FAM168B: variants seen among roughly 807,000 people sequenced by gnomAD.
FAM168B encodes family with sequence similarity 168 member B.
In FAM168B, 19 loss-of-function variants were observed where a neutral mutation model predicts 21.8. The observed-to-expected ratio is 0.87, with a 90% CI of 0.61 to 1.28. The LOEUF (loss-of-function observed/expected upper bound fraction) is 1.28, where lower values mean the gene tolerates loss of function less well. FAM168B is among the 50% of genes most tolerant of loss of function. The probability of loss-of-function intolerance (pLI) is 0.00; values close to 1 mark genes in which losing one functional copy is unlikely to be tolerated. For missense variants in FAM168B, 233 were observed against 263.1 expected, an observed-to-expected ratio of 0.89 and a Z score of 0.79; for synonymous variants, 126 against 104.8, an observed-to-expected ratio of 1.20 and a Z score of -1.24.
At chr2:131,056,008 T>G (rs2105464632) in intron 3 of FAM168B, among the ~76,000 whole-genome samples, 1 of 152,296 alleles carries the variant, frequency 6.6e-6, no homozygotes, top group South Asian at 2.1e-4. Flanking sequence ...TTTAAATTGG[T>G]ATGGCATTCC....
intron 1 of FAM168B, among the ~76,000 whole-genome samples, chr2:131,092,143 CAAAA>C (rs992051589): frequency 1.3e-5 from 1 of 79,034 alleles, no homozygotes; most frequent in African/African-American, 4.8e-5. Context: ...GACTCCGTCT[CAAAA>C]AAAAAAAAAA....
intron 3 of FAM168B, among the ~76,000 whole-genome samples, chr2:131,068,971 G>A (rs1386344649): frequency 1.3e-5 from 2 of 152,330 alleles, no homozygotes; most frequent in Admixed American, 6.5e-5. Context: ...AGGCGTGATT[G>A]CACCACTGCA....
At chr2:131,082,785 G>GC in intron 1 of FAM168B, 128 bp from the exon 2 acceptor site, 1 of 596,728 alleles carries the variant, frequency 1.7e-6, no homozygotes, top group Non-Finnish European at 3.0e-6. Flanking sequence ...ATTTCATGCT[G>GC]CCCCCAACCA....
At chr2:131,053,399 C>G (rs1468902192) in intron 5 of FAM168B, among the ~76,000 whole-genome samples, 1 of 152,150 alleles carries the variant, frequency 6.6e-6, no homozygotes, top group Non-Finnish European at 1.5e-5. Flanking sequence ...CACTAAAAGA[C>G]AAATACTTAA....
intron 1 of FAM168B, among the ~76,000 whole-genome samples, chr2:131,083,286 G>A (rs1297271452): frequency 2.0e-5 from 3 of 152,204 alleles, no homozygotes; most frequent in Non-Finnish European, 2.9e-5. Context: ...CCAGGTAGTC[G>A]GAGGTTGCAG....
rs555942065 is a variant in FAM168B at position 131,077,741 on chromosome 2, A to T, written c.70+4836T>A. On this transcript the variant is annotated intron_variant, in intron 2 of 6. Coordinates refer to ENST00000389915, the MANE Select transcript of FAM168B (RefSeq NM_001009993.4). The stretch of plus-strand genomic sequence containing the variant: ...GATCTTGAAGGGCTGTAGTGATAAA[A>T]TTGGACCTCAGATGAGCTTCAAAAC... 1.8e-3 allele frequency among the ~76,000 whole-genome samples: 278 copies of T among 152,334 alleles called. 1 individual carries two copies. The highest frequency in any genetic ancestry group is 6.3e-3 in the African/African-American group (264 of 41,580).
chr2:131,087,757 A>T (rs1232025764), intron 1 of FAM168B, among the ~76,000 whole-genome samples: 1 of 152,184 alleles, frequency 6.6e-6, no homozygotes, highest in Admixed American at 6.6e-5. Context: ...GAGTTACCAC[A>T]TGACCCCACA....
rs562617541 is a variant in FAM168B, at chr2:131,072,285, G to C, written c.71-347C>G. Among the ~76,000 whole-genome samples the C allele has an allele frequency of 2.0e-5, 3 of 150,274 alleles. No individual in the cohort carries two copies. In the East Asian group the frequency reaches 6.0e-4, roughly 30 times the overall value. ...ATTACAGGTGTGTGTCACCACACCTGGCTAATTTTTCTATTTTTAGTAGAG... is the reference window on the plus strand; with the variant it reads ...ATTACAGGTGTGTGTCACCACACCTCGCTAATTTTTCTATTTTTAGTAGAG... On this transcript the variant is annotated intron_variant, in intron 2 of 6. Coordinates refer to ENST00000389915, the MANE Select transcript of FAM168B (RefSeq NM_001009993.4).
At chr2:131,062,763 A>G (rs1288775037) in intron 3 of FAM168B, among the ~76,000 whole-genome samples, 1 of 152,202 alleles carries the variant, frequency 6.6e-6, no homozygotes, top group Non-Finnish European at 1.5e-5. Context: ...AAGGTGTCTT[A>G]CAACACCTAC....
Position 131,076,690 on chromosome 2 carries a change from A to T in FAM168B, c.71-4752T>A, listed in dbSNP as rs568369608. 9.8e-4 allele frequency among the ~76,000 whole-genome samples: 149 copies of T among 152,164 alleles called. 1 individual carries two copies. The highest frequency in any genetic ancestry group is 4.6e-3 in the Admixed American group (70 of 15,276). ...AAAAAAAGACTGATCACCTTACAAA[A>T]GTAAAAGCTTCAGAACAGCAAAAAA... On this transcript the variant is annotated intron_variant, in intron 2 of 6. Coordinates refer to ENST00000389915, the MANE Select transcript of FAM168B (RefSeq NM_001009993.4).
Position 131,048,901 on chromosome 2 carries a change from T to G in FAM168B, c.*3564A>C. ...TGTCCTGTCCGGGCAACAGCCAAACTGGCGACAATGGACACATCCAACAGT... is the reference window on the plus strand; with the variant it reads ...TGTCCTGTCCGGGCAACAGCCAAACGGGCGACAATGGACACATCCAACAGT... On this transcript the variant is annotated 3_prime_UTR_variant, in exon 7 of 7. Coordinates refer to ENST00000389915, the MANE Select transcript of FAM168B (RefSeq NM_001009993.4). 1 of 985,978 alleles carries G rather than the reference T, an allele frequency of 1.0e-6. No individual in the cohort carries two copies. Among genetic ancestry groups the G allele is most frequent in the Non-Finnish European group, 1.2e-6 (1 of 830,058 alleles). The allele number at this position is 985,978 out of a possible 1,614,324, so 61.1% of individuals were successfully genotyped here.
At position 131,048,255 on chromosome 2, in the gene FAM168B, A is replaced by G. The variant is rs945683698; in HGVS notation, c.*4210T>C. 17 of 1,304,138 alleles carry G rather than the reference A, an allele frequency of 1.3e-5. No homozygotes were observed. The highest frequency in any genetic ancestry group is 1.7e-5 in the Non-Finnish European group (17 of 988,910). The allele number at this position is 1,304,138 out of a possible 1,614,324, so 80.8% of individuals were successfully genotyped here. A position where few individuals can be genotyped will look rare whatever the true frequency, so the allele number is the denominator to read the frequency against. ...TAGGGCCTCTCCGTGTGGCCAGCAC[A>G]GCAACCCTGCTAGGAGCACAAACGG... is the stretch of plus-strand genomic sequence containing the variant. On this transcript the variant is annotated 3_prime_UTR_variant, in exon 7 of 7. Transcript: ENST00000389915.
chr2:131,055,476 A>T, intron 4 of FAM168B, 27 bp from the exon 5 acceptor site: 1 of 1,604,386 alleles, frequency 6.2e-7, no homozygotes, highest in Non-Finnish European at 8.5e-7. Flanking sequence ...GACAACTGAC[A>T]CAGGGTCCCA....
rs780698894 is a variant in FAM168B, at chr2:131,053,011, G to A, written c.480C>T (p.Thr160=). 1.9e-6 allele frequency: 3 copies of A among 1,549,252 alleles called. No homozygotes were observed. In the East Asian group the frequency reaches 7.3e-5, roughly 38 times the overall value. Reference sequence around the variant, plus strand: ...GAGTTGGGGAGTGAGCAGTCAGCAGGGTACCTGGAAGAAAGAGCAGCACAT... The same window carrying A: ...GAGTTGGGGAGTGAGCAGTCAGCAGAGTACCTGGAAGAAAGAGCAGCACAT... The part of the protein sequence containing the change: ...AGTTMAMSAG[T]LLTAHSPTPV... Residue 160 remains threonine, a synonymous_variant, in exon 6 of 7, where the codon ACC becomes ACT. Transcript: ENST00000389915.
rs1459183342 is a variant in FAM168B at position 131,049,125 on chromosome 2, AG to A, written c.*3339del. On this transcript the variant is annotated 3_prime_UTR_variant, in exon 7 of 7. Transcript: ENST00000389915. Reference sequence around the variant, plus strand: ...ATACCTTACGGGGGCCAACACTGACAGGTATTAGTACGTCGCAAGTTGCTGT... The same window carrying A: ...ATACCTTACGGGGGCCAACACTGACAGTATTAGTACGTCGCAAGTTGCTGT... 2 of 985,368 alleles carry A rather than the reference AG, an allele frequency of 2.0e-6. No homozygotes were observed. The highest frequency in any genetic ancestry group is 2.4e-6 in the Non-Finnish European group (2 of 829,948). 61.0% of individuals were successfully genotyped at this position (985,368 alleles called of 1,614,324 possible).
intron 2 of FAM168B, among the ~76,000 whole-genome samples, chr2:131,081,488 T>C (rs1693431394): frequency 6.6e-6 from 1 of 152,202 alleles, no homozygotes; most frequent in Non-Finnish European, 1.5e-5. Context: ...GGGAGTATAA[T>C]ACAAGCTAGA....
chr2:131,071,910 T>C lies in FAM168B; in HGVS notation c.99A>G (p.Ala33=), dbSNP rs771740648. 4 of 1,614,044 alleles carry C rather than the reference T, an allele frequency of 2.5e-6. No homozygotes were observed. Among genetic ancestry groups the C allele is most frequent in the Non-Finnish European group, 3.4e-6 (4 of 1,179,936 alleles). ...ACATGTTAGGAGAATAGGCAGGAGC[T>C]GCTGCTGCATAGCCCATGGGAAAAC... is the stretch of plus-strand genomic sequence containing the variant. ...PAGFPMGYAA[A]APAYSPNMYP... Residue 33 remains alanine (A), a synonymous_variant, in exon 3 of 7, where the codon GCA becomes GCG. Transcript: ENST00000389915.
intron 2 of FAM168B, among the ~76,000 whole-genome samples, chr2:131,077,457 G>A (rs1693215102): frequency 6.6e-6 from 1 of 152,192 alleles, no homozygotes; most frequent in Non-Finnish European, 1.5e-5. Flanking sequence ...TTCGGCAAAT[G>A]TGCCTCACAG....
At chr2:131,068,222 G>A (rs1558965585) in intron 3 of FAM168B, among the ~76,000 whole-genome samples, 1 of 152,058 alleles carries the variant, frequency 6.6e-6, no homozygotes, top group Non-Finnish European at 1.5e-5. Flanking sequence ...GCAGTGGTGC[G>A]ATTTTGGCTC....
Sources: allele counts gnomAD v4.1 joint callset (sites outside exome capture counted in the v4.1 genomes callset), GRCh38; gene constraint gnomAD v4.1.1; transcripts MANE v1.5; gene names NCBI Gene and HGNC (gene_info 2026-07-23, HGNC 2026-07-21).